The following ARHGAP44 variants were observed in gnomAD, a reference collection of about 807,000 sequenced individuals.
ARHGAP44 encodes the protein rho GTPase-activating protein 44.
In ARHGAP44, 43 loss-of-function variants were observed where a neutral mutation model predicts 106.8. The observed-to-expected ratio is 0.40, with a 90% CI of 0.32 to 0.52. The LOEUF is 0.52. Ranked by LOEUF, ARHGAP44 falls within the 20% of genes least tolerant of loss-of-function variation. The probability of loss-of-function intolerance (pLI) is 0.48; values close to 1 mark genes in which losing one functional copy is unlikely to be tolerated. For synonymous variants in ARHGAP44, 439 were observed against 410.3 expected (o/e 1.07, Z -0.85); for missense variants, 866 against 1,050.5 (o/e 0.82, Z 2.43).
At chr17:12,844,462 C>G (rs1016775439) in intron 1 of ARHGAP44, among the ~76,000 whole-genome samples, 5 of 152,158 alleles carry the variant, frequency 3.3e-5, no homozygotes, top group African/African-American at 1.2e-4. Context: ...CCCTCATGAC[C>G]CAGTCACCTC....
intron 1 of ARHGAP44, among the ~76,000 whole-genome samples, chr17:12,867,898 G>A (rs1418307851): frequency 1.3e-5 from 2 of 152,168 alleles, no homozygotes; most frequent in Admixed American, 1.3e-4. Flanking sequence ...GAGGTGATGT[G>A]GTTAGTGCAG....
chr17:12,968,927 G>A (rs2039460269), intron 16 of ARHGAP44, among the ~76,000 whole-genome samples: 2 of 151,896 alleles, frequency 1.3e-5, no homozygotes, highest in African/African-American at 4.8e-5. Flanking sequence ...CCACCACCAC[G>A]CCCGGCTAAT....
Position 12,977,515 on chromosome 17 carries a change from G to A in ARHGAP44, c.1764-2543G>A, listed in dbSNP as rs12453231. Among the ~76,000 whole-genome samples the A allele has an allele frequency of 6.1e-3, 929 of 152,224 alleles. 29 individuals are homozygous for A. Among genetic ancestry groups the A allele is most frequent in the Admixed American group, 0.052 (791 of 15,274 alleles). On this transcript the variant is annotated intron_variant, in intron 18 of 20. Transcript: ENST00000379672. ...CCTCCACATCCCGCCCAACTGCTTA[G>A]CATGAATGCTAACCCCAAAATTCTC... is the stretch of plus-strand genomic sequence containing the variant.
chr17:12,948,808 C>A (rs1380071854), intron 10 of ARHGAP44, among the ~76,000 whole-genome samples: 1 of 148,564 alleles, frequency 6.7e-6, no homozygotes, highest in Non-Finnish European at 1.5e-5. Flanking sequence ...TAGTCGAATT[C>A]TTCTCCAAGA....
intron 1 of ARHGAP44, among the ~76,000 whole-genome samples, chr17:12,813,081 CCTT>C (rs898171099): frequency 6.6e-6 from 1 of 152,190 alleles, no homozygotes; most frequent in Non-Finnish European, 1.5e-5. Flanking sequence ...AGGCCAGTCT[CCTT>C]AGAGCTGCTT....
chr17:12,902,535 C>G (rs950415533), intron 3 of ARHGAP44, among the ~76,000 whole-genome samples: 1 of 152,172 alleles, frequency 6.6e-6, no homozygotes, highest in Non-Finnish European at 1.5e-5. Context: ...GCTCCGTTCT[C>G]CGTGCCTAAA....
Position 12,915,453 on chromosome 17 carries a change from G to T in ARHGAP44, c.276-447G>T, listed in dbSNP as rs78779167. On this transcript the variant is annotated intron_variant, in intron 4 of 20. Coordinates refer to ENST00000379672, the MANE Select transcript of ARHGAP44 (RefSeq NM_014859.6). ...TCAACTTTTGGATTTTTTTTCATTGGATAATTGTCTATATATCCATGTACT... is the reference window on the plus strand; with the variant it reads ...TCAACTTTTGGATTTTTTTTCATTGTATAATTGTCTATATATCCATGTACT... 3.8e-3 allele frequency among the ~76,000 whole-genome samples: 575 copies of T among 152,162 alleles called. 18 individuals carry two copies. The East Asian group carries it at 0.068, about 18-fold the overall frequency.
chr17:12,967,314 CA>C (rs2039419833), intron 16 of ARHGAP44, among the ~76,000 whole-genome samples: 1 of 134,904 alleles, frequency 7.4e-6, no homozygotes, highest in Non-Finnish European at 1.5e-5. Flanking sequence ...AGGCTGGTCT[CA>C]AACTCCTGGG....
intron 1 of ARHGAP44, among the ~76,000 whole-genome samples, chr17:12,875,759 C>CAT (rs1478810749): frequency 6.6e-6 from 1 of 152,152 alleles, no homozygotes; most frequent in Non-Finnish European, 1.5e-5. Context: ...GCCTGGCCAA[C>CAT]ATGGTGAAAC....
intron 1 of ARHGAP44, among the ~76,000 whole-genome samples, chr17:12,862,376 A>G (rs1254517026): frequency 6.6e-6 from 1 of 152,158 alleles, no homozygotes; most frequent in Non-Finnish European, 1.5e-5. Context: ...ATTGACTGCC[A>G]CCATCATTAC....
intron 1 of ARHGAP44, among the ~76,000 whole-genome samples, chr17:12,837,670 G>T (rs972530587): frequency 6.6e-6 from 1 of 151,874 alleles, no homozygotes. Context: ...TGGTGAATGC[G>T]CAAGGCTTTG....
intron 3 of ARHGAP44, among the ~76,000 whole-genome samples, chr17:12,906,771 C>A (rs2037562411): frequency 6.6e-6 from 1 of 151,912 alleles, no homozygotes; most frequent in Non-Finnish European, 1.5e-5. Flanking sequence ...ACCATCTCTA[C>A]AAAAAATTTA....
intron 1 of ARHGAP44, among the ~76,000 whole-genome samples, chr17:12,818,093 A>C (rs1325063551): frequency 1.3e-5 from 2 of 152,008 alleles, no homozygotes; most frequent in African/African-American, 4.8e-5. Context: ...AGATGTAAAA[A>C]ATCTTCACAA....
intron 1 of ARHGAP44, among the ~76,000 whole-genome samples, chr17:12,870,048 C>CTTT (rs3074688): frequency 0.64 from 72,516 of 112,916 alleles, 24,088 homozygotes; most frequent in Non-Finnish European, 0.72. Context: ...CAAATACCGT[C>CTTT]TTTTTTTTTT....
intron 1 of ARHGAP44, among the ~76,000 whole-genome samples, chr17:12,894,304 A>G (rs75748466): frequency 0.043 from 3,779 of 87,974 alleles, 160 homozygotes; most frequent in African/African-American, 0.15. Context: ...TGAGAAAGAG[A>G]GGGGGAGAGA....
chr17:12,887,055 T>C (rs1204854877), intron 1 of ARHGAP44, among the ~76,000 whole-genome samples: 4 of 152,046 alleles, frequency 2.6e-5, no homozygotes, highest in African/African-American at 7.2e-5. Context: ...GTGTGGTTTT[T>C]CTTCCTTACT....
At chr17:12,909,073 T>C in intron 4 of ARHGAP44, 100 bp downstream of exon 4, 2 of 1,046,176 alleles carry the variant, frequency 1.9e-6, no homozygotes, top group Non-Finnish European at 1.4e-6. Context: ...GAATTCTCAC[T>C]GGGGACTTTA....
chr17:12,805,968 G>A (rs2034262485), intron 1 of ARHGAP44, among the ~76,000 whole-genome samples: 1 of 152,170 alleles, frequency 6.6e-6, no homozygotes, highest in Non-Finnish European at 1.5e-5. Context: ...CCCTTGAAAG[G>A]TGGTGTGACC....
chr17:12,833,034 A>G (rs1467000349), intron 1 of ARHGAP44, among the ~76,000 whole-genome samples: 1 of 152,198 alleles, frequency 6.6e-6, no homozygotes, highest in Admixed American at 6.5e-5. Flanking sequence ...GCACAGTACT[A>G]TTTGAGAGCT....
Sources: gnomAD v4.1 joint callset for allele counts (sites outside exome capture counted in the v4.1 genomes callset) on GRCh38, gnomAD v4.1.1 for gene constraint, MANE v1.5 for transcripts, NCBI Gene and HGNC (gene_info 2026-07-23, HGNC 2026-07-21) for gene names.